INPP4B: variants seen among roughly 807,000 people sequenced by gnomAD.
The protein encoded by INPP4B is inositol polyphosphate-4-phosphatase type II B, also known as inositol polyphosphate 4-phosphatase type II.
A neutral mutation model predicts 122.5 loss-of-function variants in INPP4B; 55 were observed. The observed-to-expected ratio is 0.45, with a 90% CI of 0.36 to 0.56. INPP4B has a LOEUF of 0.56. Ranked by LOEUF, INPP4B falls within the 20% of genes least tolerant of loss-of-function variation. The pLI, the probability that INPP4B is intolerant of heterozygous loss-of-function variation, is 0.00. For missense variants in INPP4B, 1,000 were observed against 1,097.7 expected, an observed-to-expected ratio of 0.91 and a Z score of 1.26; for synonymous variants, 403 against 388.7, an observed-to-expected ratio of 1.04 and a Z score of -0.43.
intron 7 of INPP4B, among the ~76,000 whole-genome samples, chr4:142,381,602 A>G (rs1271804306): frequency 6.6e-6 from 1 of 152,040 alleles, no homozygotes; most frequent in Non-Finnish European, 1.5e-5. Context: ...ACTTCTTAAG[A>G]AAACTTTCCC....
At chr4:142,591,341 C>T (rs2162106) in intron 2 of INPP4B, among the ~76,000 whole-genome samples, 2,143 of 151,880 alleles carry the variant, frequency 0.014, 40 homozygotes, top group African/African-American at 0.041. Context: ...AGAAAGGGAA[C>T]AATTGAAGGT....
At chr4:142,675,531 GAGAA>G (rs1435780021) in intron 2 of INPP4B, among the ~76,000 whole-genome samples, 1 of 152,066 alleles carries the variant, frequency 6.6e-6, no homozygotes, top group East Asian at 1.9e-4. Flanking sequence ...AAATCTGGCA[GAGAA>G]AGAAACAAAA....
chr4:142,471,711 T>G (rs908075080), intron 2 of INPP4B, among the ~76,000 whole-genome samples: 1 of 152,146 alleles, frequency 6.6e-6, no homozygotes, highest in Admixed American at 6.5e-5. Context: ...CAGTGAGATT[T>G]CTTTGGAGCA....
At chr4:142,030,683 C>T (rs1250856128) in intron 25 of INPP4B, among the ~76,000 whole-genome samples, 1 of 152,132 alleles carries the variant, frequency 6.6e-6, no homozygotes, top group Non-Finnish European at 1.5e-5. Flanking sequence ...ATAACTACAT[C>T]TTTAGAAAAT....
chr4:142,624,055 A>C (rs1420638359), intron 2 of INPP4B, among the ~76,000 whole-genome samples: 4 of 151,828 alleles, frequency 2.6e-5, no homozygotes, highest in African/African-American at 9.7e-5. Flanking sequence ...TTAAAGCAGC[A>C]TGATTTATAG....
At chr4:142,525,210 T>C (rs1256829508) in intron 2 of INPP4B, among the ~76,000 whole-genome samples, 1 of 151,822 alleles carries the variant, frequency 6.6e-6, no homozygotes, top group African/African-American at 2.4e-5. Flanking sequence ...CAAGGAGAAC[T>C]ACAAACCACT....
chr4:142,144,566 G>T (rs545432499), intron 18 of INPP4B, among the ~76,000 whole-genome samples: 3 of 151,978 alleles, frequency 2.0e-5, no homozygotes, highest in Non-Finnish European at 4.4e-5. Context: ...TTCATGTAAA[G>T]TTATGAAGCT....
intron 1 of INPP4B, among the ~76,000 whole-genome samples, chr4:142,744,742 C>A (rs1429791395): frequency 6.6e-6 from 1 of 151,306 alleles, no homozygotes. Context: ...TTATTTGCAA[C>A]AAACATAAAC....
intron 2 of INPP4B, among the ~76,000 whole-genome samples, chr4:142,638,095 A>G (rs1005998134): frequency 1.3e-5 from 2 of 152,170 alleles, no homozygotes; most frequent in African/African-American, 4.8e-5. Context: ...ATTTTAGATA[A>G]CAATCTTTCA....
intron 2 of INPP4B, among the ~76,000 whole-genome samples, chr4:142,594,973 A>G (rs1159422640): frequency 4.6e-5 from 7 of 151,246 alleles, no homozygotes; most frequent in East Asian, 1.9e-4. Context: ...AAAAAAAAAA[A>G]AAAAGAAAGG....
chr4:142,645,579 T>G (rs1220642439), intron 2 of INPP4B, among the ~76,000 whole-genome samples: 2 of 152,160 alleles, frequency 1.3e-5, no homozygotes, highest in Non-Finnish European at 2.9e-5. Context: ...CTTCCCACTT[T>G]TAGAAAAACA....
chr4:142,028,339 T>TGAC lies in INPP4B; in HGVS notation c.*440_*442dup, dbSNP rs997401040. On this transcript the variant is annotated 3_prime_UTR_variant, in exon 26 of 26. Coordinates refer to ENST00000262992, the MANE Select transcript of INPP4B (RefSeq NM_001101669.3). ...AAATCCCTTACATTGATTCTCAGGTTGACTGTGTTCTCATAGGCTATTAAG... is the reference window on the plus strand; with the variant it reads ...AAATCCCTTACATTGATTCTCAGGTTGACGACTGTGTTCTCATAGGCTATTAAG... 1.7e-5 allele frequency: 4 copies of TGAC among 229,582 alleles called. No homozygotes were observed. Among genetic ancestry groups the TGAC allele is most frequent in the African/African-American group, 8.9e-5 (4 of 45,066 alleles). 14.2% of individuals were successfully genotyped at this position (229,582 alleles called of 1,614,324 possible).
intron 1 of INPP4B, among the ~76,000 whole-genome samples, chr4:142,806,786 G>GAAGGAAGGAAAGAAAGAA (rs1554013556): frequency 1.3e-5 from 1 of 75,948 alleles, no homozygotes; most frequent in African/African-American, 5.2e-5. Context: ...AAAGAAAGAA[G>GAAGGAAGGAAAGAAAGAA]GAAAGAAAGA....
intron 2 of INPP4B, among the ~76,000 whole-genome samples, chr4:142,534,423 G>C (rs766175661): frequency 2.0e-5 from 3 of 152,054 alleles, no homozygotes; most frequent in Non-Finnish European, 4.4e-5. Context: ...AGGTTGGAAG[G>C]AGCATTCTCT....
chr4:142,734,997 A>C (rs1349136920), intron 1 of INPP4B, among the ~76,000 whole-genome samples: 1 of 152,196 alleles, frequency 6.6e-6, no homozygotes, highest in Non-Finnish European at 1.5e-5. Context: ...AATAAAAGGA[A>C]GCTTTCAATC....
chr4:142,086,277 G>A (rs1442443877), intron 23 of INPP4B, 21 bp from the exon 24 acceptor site: 5 of 1,293,996 alleles, frequency 3.9e-6, no homozygotes, highest in East Asian at 2.3e-5. Context: ...AAAAACAAAG[G>A]AGAAAAATAA....
intron 3 of INPP4B, among the ~76,000 whole-genome samples, chr4:142,458,041 C>G (rs913224025): frequency 2.0e-5 from 3 of 151,978 alleles, no homozygotes; most frequent in Non-Finnish European, 4.4e-5. Context: ...TAAAAAATAA[C>G]TAAAAATCCA....
At chr4:142,795,135 A>G (rs1355401600) in intron 1 of INPP4B, 1 of 152,038 alleles carries the variant, frequency 6.6e-6, no homozygotes, top group Non-Finnish European at 1.5e-5. Context: ...AATGTTAGAC[A>G]TATAACATTA....
At chr4:142,603,227 G>C (rs1484362922) in intron 2 of INPP4B, among the ~76,000 whole-genome samples, 2 of 152,022 alleles carry the variant, frequency 1.3e-5, no homozygotes, top group African/African-American at 2.4e-5. Flanking sequence ...GGGCCTGTCA[G>C]AGAGGGGTGT....
Sources: gnomAD v4.1 joint callset for allele counts (sites outside exome capture counted in the v4.1 genomes callset) on GRCh38, gnomAD v4.1.1 for gene constraint, MANE v1.5 for transcripts, NCBI Gene and HGNC (gene_info 2026-07-23, HGNC 2026-07-21) for gene names.